Variants in TRPM1 observed in about 807,000 individuals in gnomAD.
The protein encoded by TRPM1 is TRPM1-203 APA Isoform, Intron 10.
In TRPM1, 113 loss-of-function variants were observed where a neutral mutation model predicts 149.4. The observed-to-expected ratio is 0.76, with a 90% CI of 0.65 to 0.88. The LOEUF (loss-of-function observed/expected upper bound fraction) is 0.88. Ranked by LOEUF, TRPM1 falls within the 40% of genes least tolerant of loss-of-function variation. The pLI, the probability that TRPM1 is intolerant of heterozygous loss-of-function variation, is 0.00. For synonymous variants in TRPM1, 741 were observed against 759.5 expected (o/e 0.98, Z 0.40); for missense variants, 1,976 against 2,038.7 (o/e 0.97, Z 0.59).
chr15:31,104,679 C>T (rs912497654), upstream of TRPM1, among the ~76,000 whole-genome samples: 12 of 150,424 alleles, frequency 8.0e-5, no homozygotes, highest in African/African-American at 1.2e-4. Context: ...CTGCAAGCTC[C>T]GCCTCCCAGG....
chr15:31,015,497 A>C (rs565425800), intron 27 of TRPM1, among the ~76,000 whole-genome samples: 3 of 152,180 alleles, frequency 2.0e-5, no homozygotes, highest in Non-Finnish European at 2.9e-5. Flanking sequence ...AAAAAATGTT[A>C]GTTATAAGGA....
chr15:31,080,758 G>A (rs2034836420), intron 2 of TRPM1, among the ~76,000 whole-genome samples: 1 of 133,228 alleles, frequency 7.5e-6, no homozygotes, highest in South Asian at 2.6e-4. Flanking sequence ...CCCGCCCCTC[G>A]TCCTTTCCCA....
intron 1 of TRPM1, among the ~76,000 whole-genome samples, chr15:31,099,593 T>G (rs1375231462): frequency 6.6e-6 from 1 of 152,208 alleles, no homozygotes; most frequent in African/African-American, 2.4e-5. Context: ...TCATTTCACT[T>G]CTTGTGCTTA....
intron 27 of TRPM1, among the ~76,000 whole-genome samples, chr15:31,003,834 G>C (rs2031881356): frequency 1.3e-5 from 2 of 151,318 alleles, no homozygotes; most frequent in South Asian, 2.1e-4. Context: ...GAGCATGGGA[G>C]ATTATAAATG....
chr15:31,033,159 G>T, intron 21 of TRPM1: 1 of 632,670 alleles, frequency 1.6e-6, no homozygotes, highest in Non-Finnish European at 2.7e-6. Context: ...TACAAACTCA[G>T]GAAATGCCTT....
intron 1 of TRPM1, among the ~76,000 whole-genome samples, chr15:31,117,524 T>C (rs916916386): frequency 5.9e-5 from 9 of 151,540 alleles, no homozygotes; most frequent in Non-Finnish European, 1.2e-4. Flanking sequence ...GGTGCAAGCC[T>C]GTAGTCCCAG....
chr15:31,149,720 C>G (rs571200626), intron 1 of TRPM1, among the ~76,000 whole-genome samples: 4 of 151,978 alleles, frequency 2.6e-5, no homozygotes, highest in African/African-American at 7.2e-5. Flanking sequence ...GGGGTTTCAC[C>G]GTGTTAGCCA....
At chr15:31,016,447 T>C (rs745546327) in intron 27 of TRPM1, among the ~76,000 whole-genome samples, 2 of 152,176 alleles carry the variant, frequency 1.3e-5, no homozygotes, top group Non-Finnish European at 2.9e-5. Flanking sequence ...TATTTCTGGG[T>C]TTGGATTTAC....
chr15:31,113,184 T>G (rs1395915305), intron 1 of TRPM1, among the ~76,000 whole-genome samples: 2 of 152,160 alleles, frequency 1.3e-5, no homozygotes, highest in East Asian at 1.9e-4. Context: ...ACGGCCCACC[T>G]TCTCCAGCTG....
intron 3 of TRPM1, among the ~76,000 whole-genome samples, chr15:31,070,937 A>G (rs1054499531): frequency 1.3e-5 from 2 of 152,142 alleles, no homozygotes; most frequent in Non-Finnish European, 2.9e-5. Context: ...AAAGTGACCA[A>G]TATGTCTTTT....
chr15:31,070,617 A>G, intron 3 of TRPM1: 1 of 399,522 alleles, frequency 2.5e-6, no homozygotes, highest in Non-Finnish European at 4.9e-6. Context: ...TAGTGGCGCT[A>G]TCATAGCTCA....
At position 31,031,189 on chromosome 15, in the gene TRPM1, C is replaced by T. The variant is rs745984083; in HGVS notation, c.2953-32G>A. 6 of 1,613,870 alleles carry T rather than the reference C, an allele frequency of 3.7e-6. No homozygotes were observed. In the African/African-American group the frequency reaches 6.7e-5, roughly 18 times the overall value. On this transcript the variant is annotated intron_variant, in intron 22 of 27. Transcript: ENST00000256552. ...AAGGAGAACATTTGTCTCTCACTGT[C>T]TTGGCTTGTGGGCCAAGTTCACCCT...
rs1191771487 is a variant in TRPM1 at position 31,062,658 on chromosome 15, T to C, written c.1010A>G (p.Gln337Arg). Residue 337 changes from glutamine (Q) to arginine (R), a missense_variant, in exon 9 of 28, where the codon CAG (glutamine) becomes CGG (arginine). Transcript: ENST00000256552. ...TGCCTTATTATAATTAAATGTTTTC[T>C]GAATGGTAACTAGAAGCTGCTCCCT... ...SLREQLLVTI[Q>R]KTFNYNKAQS... is the part of the protein sequence containing the mutation. 6.2e-7 allele frequency: 1 copy of C among 1,614,138 alleles called. No individual in the cohort carries two copies. Among genetic ancestry groups the C allele is most frequent in the Non-Finnish European group, 8.5e-7 (1 of 1,179,972 alleles).
rs369237180 is a variant in TRPM1 at position 31,063,170 on chromosome 15, C to T, written c.913G>A (p.Gly305Arg). 8.7e-6 allele frequency: 14 copies of T among 1,614,130 alleles called. No individual in the cohort carries two copies. Among genetic ancestry groups the T allele is most frequent in the East Asian group, 6.7e-5 (3 of 44,894 alleles). ...AAGGACAGGATGTCCGAGGCACGTC[C>T]GCTGCCATCACAAATCACCACAGGG... The part of the protein sequence containing the change: ...PIPVVICDGS[G>R]RASDILSFAH... Residue 305 changes from glycine (G) to arginine (R), a missense_variant, in exon 8 of 28, where the codon GGA (glycine) becomes AGA (arginine). Gly to Arg is a moderately radical substitution (Grantham distance 125). Around this residue, in one of 3 missense-constraint regions of TRPM1, gnomAD observed 1,332 missense variants for 1,347.1 expected, o/e 0.99. Coordinates refer to ENST00000256552, the MANE Select transcript of TRPM1 (RefSeq NM_001252024.2).
chr15:31,009,897 T>C (rs534685183), intron 27 of TRPM1, among the ~76,000 whole-genome samples: 1 of 152,374 alleles, frequency 6.6e-6, no homozygotes, highest in East Asian at 1.9e-4. Context: ...TAATATCTTC[T>C]ATTCTTTCTC....
At chr15:31,055,146 G>A (rs1279678905) in intron 11 of TRPM1, among the ~76,000 whole-genome samples, 1 of 152,088 alleles carries the variant, frequency 6.6e-6, no homozygotes, top group Non-Finnish European at 1.5e-5. Flanking sequence ...AGATTCACAG[G>A]CACATCCTTT....
At chr15:31,089,785 C>G (rs575759425) in intron 1 of TRPM1, among the ~76,000 whole-genome samples, 4 of 152,132 alleles carry the variant, frequency 2.6e-5, no homozygotes, top group Non-Finnish European at 4.4e-5. Flanking sequence ...CATGGTGTCC[C>G]CAAAGTGCAT....
chr15:31,019,964 C>T (rs188760501), intron 27 of TRPM1, among the ~76,000 whole-genome samples: 2 of 152,266 alleles, frequency 1.3e-5, no homozygotes, highest in East Asian at 1.9e-4. Flanking sequence ...CCACTGCTCC[C>T]GGCCAAGACT....
chr15:31,111,930 C>T (rs1375845280), intron 1 of TRPM1, among the ~76,000 whole-genome samples: 56 of 152,132 alleles, frequency 3.7e-4, no homozygotes, highest in Non-Finnish European at 4.4e-5. Context: ...CCTAGTAAAT[C>T]GCAGTGAAAC....
Sources: allele counts gnomAD v4.1 joint callset (sites outside exome capture counted in the v4.1 genomes callset), GRCh38; gene constraint gnomAD v4.1.1; regional missense constraint gnomAD v4.1.1; transcripts MANE v1.5; gene names NCBI Gene and HGNC (gene_info 2026-07-23, HGNC 2026-07-21).